The following DYDC2 variants were observed in gnomAD, a reference collection of about 807,000 sequenced individuals.
DYDC2 encodes the protein DPY30 domain-containing protein 2.
Under a neutral mutation model 18.7 loss-of-function variants are expected in DYDC2, and 19 were observed. That is an observed-to-expected ratio of 1.02 (90% confidence interval 0.71 to 1.49). The LOEUF (loss-of-function observed/expected upper bound fraction) is 1.49. Among genes scored for constraint, DYDC2 ranks in the 40% most tolerant of loss-of-function variants. The probability of loss-of-function intolerance (pLI) is 0.00; values close to 1 mark genes in which losing one functional copy is unlikely to be tolerated. For synonymous variants in DYDC2, 63 were observed against 67.6 expected (o/e 0.93, Z 0.34); for missense variants, 179 against 205.1 (o/e 0.87, Z 0.78).
At chr10:80,345,285 G>A (rs1842544722) in intron 1 of DYDC2, among the ~76,000 whole-genome samples, 1 of 152,236 alleles carries the variant, frequency 6.6e-6, no homozygotes, top group South Asian at 2.1e-4. Context: ...GTTATATTAT[G>A]AATTTTTGAG....
chr10:80,352,900 A>G (rs1774269967), upstream of DYDC2, among the ~76,000 whole-genome samples: 1 of 152,246 alleles, frequency 6.6e-6, no homozygotes, highest in African/African-American at 2.4e-5. Context: ...CTTGATGCCA[A>G]GTAATGTGGG....
upstream of DYDC2, chr10:80,356,521 CCCGCTCAGG>C: frequency 1.0e-6 from 1 of 985,496 alleles, no homozygotes; most frequent in Non-Finnish European, 1.2e-6. Flanking sequence ...CGCAGCGCTC[CCCGCTCAGG>C]GGGAGCAGGA....
chr10:80,347,553 TTA>T (rs1346736133), intron 1 of DYDC2, among the ~76,000 whole-genome samples: 1 of 152,150 alleles, frequency 6.6e-6, no homozygotes. Flanking sequence ...TTTTTCTACA[TTA>T]TGTTTTCTTC....
intron 4 of DYDC2, among the ~76,000 whole-genome samples, chr10:80,363,780 G>C (rs955962157): frequency 2.6e-5 from 4 of 152,116 alleles, no homozygotes; most frequent in Non-Finnish European, 5.9e-5. Flanking sequence ...GCATACTTCA[G>C]ATATTTAACT....
chr10:80,345,293 G>C (rs1842545194), intron 1 of DYDC2, among the ~76,000 whole-genome samples: 1 of 152,098 alleles, frequency 6.6e-6, no homozygotes. Context: ...ATGAATTTTT[G>C]AGCTCAGGGT....
intron 4 of DYDC2, among the ~76,000 whole-genome samples, chr10:80,364,696 G>A (rs545999683): frequency 6.6e-6 from 1 of 150,400 alleles, no homozygotes; most frequent in South Asian, 2.2e-4. Context: ...ATGACAACAA[G>A]CACAATGTCT....
intron 2 of DYDC2, among the ~76,000 whole-genome samples, chr10:80,361,854 G>A (rs534984002): frequency 5.7e-4 from 87 of 152,252 alleles, no homozygotes; most frequent in African/African-American, 1.9e-3. Flanking sequence ...AGGCTCGTTA[G>A]GCTTGTCCTG....
In DYDC2 at chr10:80,367,011, C is replaced by A; in HGVS notation, c.*60C>A. Reference sequence around the variant, plus strand: ...TCAAAGCTAGAAGCCAAGAAAATGGCCAGCTAGAACCAAGATTTAAGGGGC... The same window carrying A: ...TCAAAGCTAGAAGCCAAGAAAATGGACAGCTAGAACCAAGATTTAAGGGGC... On this transcript the variant is annotated 3_prime_UTR_variant, in exon 5 of 5. Coordinates refer to ENST00000256039, the MANE Select transcript of DYDC2 (RefSeq NM_032372.6). 6.5e-7 allele frequency: 1 copy of A among 1,541,386 alleles called. No homozygotes were observed. Among genetic ancestry groups the A allele is most frequent in the East Asian group, 2.2e-5 (1 of 44,460 alleles).
intron 1 of DYDC2, among the ~76,000 whole-genome samples, chr10:80,357,393 G>A (rs1843450408): frequency 6.6e-6 from 1 of 152,060 alleles, no homozygotes; most frequent in African/African-American, 2.4e-5. Context: ...AAACCTGGAG[G>A]AGTAGGGGCA....
intron 1 of DYDC2, among the ~76,000 whole-genome samples, chr10:80,345,010 T>C (rs2061761702): frequency 6.6e-6 from 1 of 151,998 alleles, no homozygotes; most frequent in Non-Finnish European, 1.5e-5. Context: ...TAAAAATACA[T>C]GTGGAATAGA....
intron 4 of DYDC2, 26 bp downstream of exon 4, chr10:80,363,099 T>C: frequency 6.2e-7 from 1 of 1,600,118 alleles, no homozygotes; most frequent in Non-Finnish European, 8.5e-7. Context: ...CAGCTTTGGG[T>C]TGCCACACAC....
chr10:80,362,870 A>G (rs1377939887), intron 3 of DYDC2, 81 bp from the exon 4 acceptor site: 6 of 1,539,714 alleles, frequency 3.9e-6, no homozygotes, highest in African/African-American at 2.8e-5. Flanking sequence ...CCCACAGCCC[A>G]TATCAGTCCC....
At chr10:80,364,191 A>G (rs1843755683) in intron 4 of DYDC2, among the ~76,000 whole-genome samples, 1 of 152,222 alleles carries the variant, frequency 6.6e-6, no homozygotes. Context: ...TTACATTTAT[A>G]CTAATATACT....
At position 80,366,949 on chromosome 10, in the gene DYDC2, T is replaced by C. The variant is rs1192986250; in HGVS notation, c.532T>C (p.Ter178GlnextTer8). 6.2e-7 allele frequency: 1 copy of C among 1,611,476 alleles called. No individual in the cohort carries two copies. Among genetic ancestry groups the C allele is most frequent in the Non-Finnish European group, 8.5e-7 (1 of 1,178,942 alleles). The change falls in exon 5 of 5, where the codon TAG becomes CAG. Residue 178 changes from the stop codon to glutamine (Q), a stop_lost. Coordinates refer to ENST00000256039, the MANE Select transcript of DYDC2 (RefSeq NM_032372.6). ...GCCTCCTGGCTCCAAATCTCCTTTT[T>C]AGGTTACAGAAGGTAGATGCTTCTG... is the stretch of plus-strand genomic sequence containing the variant. ...EMPPGSKSPF* is the reference protein window; with the variant it reads ...EMPPGSKSPFQ
chr10:80,358,843 C>T (rs765320659), intron 2 of DYDC2, among the ~76,000 whole-genome samples: 43 of 152,132 alleles, frequency 2.8e-4, no homozygotes, highest in Admixed American at 1.3e-4. Context: ...TTAAAGGCGG[C>T]GTGTCCAGAG....
chr10:80,349,276 CTT>C (rs1842849621), intron 1 of DYDC2, among the ~76,000 whole-genome samples: 1 of 152,182 alleles, frequency 6.6e-6, no homozygotes, highest in Non-Finnish European at 1.5e-5. Context: ...CTTTTAAAAA[CTT>C]TTTTAAATTC....
intron 1 of DYDC2, among the ~76,000 whole-genome samples, chr10:80,350,412 A>G (rs958743306): frequency 1.3e-5 from 2 of 152,154 alleles, no homozygotes; most frequent in Non-Finnish European, 2.9e-5. Flanking sequence ...CAGCTATAGG[A>G]GCTGTAAGAG....
intron 2 of DYDC2, among the ~76,000 whole-genome samples, chr10:80,358,449 T>C (rs1843524682): frequency 6.6e-6 from 1 of 152,182 alleles, no homozygotes; most frequent in African/African-American, 2.4e-5. Flanking sequence ...CTATGCTGGC[T>C]CTACTGTCTT....
At chr10:80,347,582 T>G (rs1452012599) in intron 1 of DYDC2, among the ~76,000 whole-genome samples, 1 of 152,232 alleles carries the variant, frequency 6.6e-6, no homozygotes, top group African/African-American at 2.4e-5. Context: ...TTTTACAGTT[T>G]CAGGTCTTCC....
Sources: allele counts gnomAD v4.1 joint callset (sites outside exome capture counted in the v4.1 genomes callset), GRCh38; gene constraint gnomAD v4.1.1; transcripts MANE v1.5; gene names NCBI Gene and HGNC (gene_info 2026-07-23, HGNC 2026-07-21).